Variants in BCR observed in about 807,000 individuals in gnomAD.
BCR encodes the protein breakpoint cluster region protein.
A neutral mutation model predicts 138.6 loss-of-function variants in BCR; 58 were observed. The observed-to-expected ratio is 0.42, with a 90% CI of 0.34 to 0.52. BCR has a LOEUF of 0.52. BCR is among the 20% of genes least tolerant of loss of function. The pLI, the probability that BCR is intolerant of heterozygous loss-of-function variation, is 0.06. For synonymous variants in BCR, 786 were observed against 730.1 expected (o/e 1.08, Z -1.23); for missense variants, 1,599 against 1,727.2 (o/e 0.93, Z 1.32).
At chr22:23,258,662 C>T (rs775927454) in intron 2 of BCR, among the ~76,000 whole-genome samples, 7 of 152,196 alleles carry the variant, frequency 4.6e-5, no homozygotes, top group Non-Finnish European at 4.4e-5. Context: ...GTGGCTGCCA[C>T]ACCTCGGGGG....
intron 1 of BCR, among the ~76,000 whole-genome samples, chr22:23,240,302 C>CGTGTGTGTGTGTGTGT (rs200491524): frequency 3.2e-4 from 46 of 144,120 alleles, no homozygotes; most frequent in African/African-American, 1.1e-3. Context: ...CCTGGCTGAT[C>CGTGTGTGTGTGTGTGT]GTGTGTGTGT....
chr22:23,259,883 G>A (rs949487028), intron 2 of BCR, among the ~76,000 whole-genome samples: 1 of 152,146 alleles, frequency 6.6e-6, no homozygotes, highest in African/African-American at 2.4e-5. Flanking sequence ...AGCTACTTGG[G>A]AGGCTCAGAT....
At chr22:23,264,569 G>A in intron 4 of BCR, 1 of 456,798 alleles carries the variant, frequency 2.2e-6, no homozygotes, top group Non-Finnish European at 4.0e-6. Flanking sequence ...ACCTGTTGGA[G>A]AGGCAGGACC....
chr22:23,289,429 C>T (rs894857933), intron 12 of BCR, 88 bp from the exon 13 acceptor site: 32 of 1,142,222 alleles, frequency 2.8e-5, no homozygotes, highest in Non-Finnish European at 3.9e-5. Flanking sequence ...GCCCCTTCCC[C>T]AGGGTGTGTG....
intron 1 of BCR, among the ~76,000 whole-genome samples, chr22:23,199,824 C>G (rs576656921): frequency 6.6e-5 from 10 of 152,282 alleles, no homozygotes; most frequent in Admixed American, 2.6e-4. Flanking sequence ...GGCGCGATGG[C>G]TCACGCCTGT....
rs779473868 is a variant in BCR at position 23,181,744 on chromosome 22, G to C, written c.784G>C (p.Asp262His). ...NPRFLKDNLI[D>H]ANGGSRPPWP... ...CCGCTTCCTGAAGGACAACCTGATC[G>C]ACGCCAATGGCGGTAGCAGGCCCCC... The change falls in exon 1 of 23, where the codon GAC becomes CAC. Residue 262 changes from aspartate (D) to histidine (H), a missense_variant. By Grantham distance (81) the Asp-to-His change is moderately conservative (BLOSUM62 -1). Around this residue, in one of 4 missense-constraint regions of BCR, gnomAD observed 806 missense variants for 635.0 expected, o/e 1.27. Transcript: ENST00000305877. 1 of 1,604,392 alleles carries C rather than the reference G, an allele frequency of 6.2e-7. No individual in the cohort carries two copies. The highest frequency in any genetic ancestry group is 2.2e-5 in the East Asian group (1 of 44,866).
intron 15 of BCR, among the ~76,000 whole-genome samples, chr22:23,292,912 G>A (rs1337372385): frequency 6.6e-6 from 1 of 152,190 alleles, no homozygotes; most frequent in Non-Finnish European, 1.5e-5. Flanking sequence ...CTTTTTGTCT[G>A]CCTTTGTTAG....
At chr22:23,221,058 A>G (rs747146901) in intron 1 of BCR, among the ~76,000 whole-genome samples, 1 of 152,176 alleles carries the variant, frequency 6.6e-6, no homozygotes, top group Non-Finnish European at 1.5e-5. Flanking sequence ...TAATGGGCTC[A>G]CAGTACCTTC....
At chr22:23,275,030 G>T (rs1213847905) in intron 8 of BCR, among the ~76,000 whole-genome samples, 5 of 151,950 alleles carry the variant, frequency 3.3e-5, no homozygotes, top group African/African-American at 1.2e-4. Flanking sequence ...GGGTGGACCT[G>T]CCCAACACAT....
chr22:23,220,561 G>A (rs2072812911), intron 1 of BCR, among the ~76,000 whole-genome samples: 1 of 152,202 alleles, frequency 6.6e-6, no homozygotes. Flanking sequence ...GGGCTTCTGA[G>A]GCCCTGAGGC....
chr22:23,208,417 T>G (rs915228465), intron 1 of BCR, among the ~76,000 whole-genome samples: 1 of 34,060 alleles, frequency 2.9e-5, no homozygotes, highest in African/African-American at 8.9e-5. Flanking sequence ...TGATTTTATG[T>G]TTTTTTTTTA....
chr22:23,269,468 G>T (rs558505421), intron 5 of BCR, among the ~76,000 whole-genome samples: 6 of 152,256 alleles, frequency 3.9e-5, no homozygotes, highest in East Asian at 3.9e-4. Flanking sequence ...ACCCTTGCTG[G>T]GACACCCTCA....
chr22:23,274,334 T>A (rs889449587), intron 8 of BCR, among the ~76,000 whole-genome samples: 2 of 152,230 alleles, frequency 1.3e-5, no homozygotes, highest in Admixed American at 1.3e-4. Context: ...TGTGTGCACA[T>A]CATCGATGAG....
At chr22:23,312,063 C>A in intron 19 of BCR, 1 of 860,810 alleles carries the variant, frequency 1.2e-6, no homozygotes, top group Non-Finnish European at 1.7e-6. Flanking sequence ...TGGGGTAGGC[C>A]AGGGGTTTCT....
At chr22:23,260,170 T>C (rs1268780340) in intron 2 of BCR, among the ~76,000 whole-genome samples, 1 of 152,158 alleles carries the variant, frequency 6.6e-6, no homozygotes, top group African/African-American at 2.4e-5. Flanking sequence ...GGGCATGGGC[T>C]CTGTCCCCTA....
At chr22:23,224,204 C>T (rs1440325406) in intron 1 of BCR, among the ~76,000 whole-genome samples, 2 of 152,218 alleles carry the variant, frequency 1.3e-5, no homozygotes, top group Non-Finnish European at 2.9e-5. Flanking sequence ...TCTCCTGTCC[C>T]AAGTGGCTGC....
chr22:23,281,508 G>A (rs988829254), intron 8 of BCR, among the ~76,000 whole-genome samples: 5 of 152,246 alleles, frequency 3.3e-5, no homozygotes, highest in African/African-American at 1.2e-4. Flanking sequence ...TGGGCAGGGA[G>A]TGACATAGGC....
rs753370246 is a variant in BCR at position 23,314,532 on chromosome 22, G to A, written c.3564-20G>A. ...TGGGGGTGGCGTTGAAACAGCACCC[G>A]CTGCTTTGGTCCTCTACAGGGTGGC... On this transcript the variant is annotated intron_variant, in intron 21 of 22. Transcript: ENST00000305877. 3.7e-5 allele frequency: 59 copies of A among 1,611,590 alleles called. No homozygotes were observed. Among genetic ancestry groups the A allele is most frequent in the Admixed American group, 2.8e-4 (17 of 59,960 alleles).
chr22:23,252,550 C>T (rs1333943936), intron 1 of BCR, among the ~76,000 whole-genome samples: 2 of 151,400 alleles, frequency 1.3e-5, no homozygotes, highest in African/African-American at 4.9e-5. Flanking sequence ...CCTGCCTCAG[C>T]CTCCTGAGTA....
Sources: allele counts gnomAD v4.1 joint callset (sites outside exome capture counted in the v4.1 genomes callset), GRCh38; gene constraint gnomAD v4.1.1; regional missense constraint gnomAD v4.1.1; transcripts MANE v1.5; gene names NCBI Gene and HGNC (gene_info 2026-07-23, HGNC 2026-07-21).